The following KIAA1217 variants were observed in gnomAD, a reference collection of about 807,000 sequenced individuals.
KIAA1217 encodes the protein KIAA1217, also known as sickle tail protein homolog.
A neutral mutation model predicts 163.9 loss-of-function variants in KIAA1217; 88 were observed. The observed-to-expected ratio is 0.54, with a 90% CI of 0.45 to 0.64. The LOEUF is 0.64. Among genes scored for constraint, KIAA1217 ranks in the 30% least tolerant of loss-of-function variants. The pLI is 0.00. For missense variants in KIAA1217, 2,372 were observed against 2,475.0 expected, an observed-to-expected ratio of 0.96 and a Z score of 0.88; for synonymous variants, 903 against 923.1, an observed-to-expected ratio of 0.98 and a Z score of 0.39.
At position 23,805,830 on chromosome 10, in the gene KIAA1217, A is replaced by G. The variant is rs140700187; in HGVS notation, c.-321+110596A>G. Among the ~76,000 whole-genome samples the G allele has an allele frequency of 1.1e-3, 171 of 152,034 alleles. 12 individuals are homozygous for G. The East Asian group carries it at 0.026, about 24-fold the overall frequency. On this transcript the variant is annotated intron_variant, in intron 1 of 18. Coordinates refer to the KIAA1217 transcript ENST00000376462. ...GGAGTTTGAGATCAGCCTGGCAAAC[A>G]TAGTGAAACCCCATCTCTACTAACA...
chr10:24,174,378 G>A (rs2065771545), intron 2 of KIAA1217, among the ~76,000 whole-genome samples: 1 of 152,174 alleles, frequency 6.6e-6, no homozygotes, highest in South Asian at 2.1e-4. Flanking sequence ...TAGGGGAGAG[G>A]AGAGTATTTT....
chr10:23,774,660 G>A (rs145536431), intron 1 of KIAA1217, among the ~76,000 whole-genome samples: 768 of 152,208 alleles, frequency 5.0e-3, no homozygotes, highest in Non-Finnish European at 8.5e-3. Context: ...ACATCAGCCA[G>A]GGGTGTCCCC....
chr10:24,100,997 C>A (rs2062391577), intron 2 of KIAA1217, among the ~76,000 whole-genome samples: 1 of 152,172 alleles, frequency 6.6e-6, no homozygotes, highest in South Asian at 2.1e-4. Context: ...CACTTTGTGG[C>A]CCTGCTAACA....
At chr10:23,900,218 C>G (rs1010834572) in intron 1 of KIAA1217, among the ~76,000 whole-genome samples, 1 of 151,990 alleles carries the variant, frequency 6.6e-6, no homozygotes, top group Non-Finnish European at 1.5e-5. Context: ...GTTGGCCAGG[C>G]TGGTCTTGAC....
chr10:24,509,180 A>C (rs2068761299), intron 9 of KIAA1217, among the ~76,000 whole-genome samples: 1 of 152,216 alleles, frequency 6.6e-6, no homozygotes, highest in African/African-American at 2.4e-5. Flanking sequence ...GATCCACATC[A>C]TATCTTTAGC....
At position 24,433,253 on chromosome 10, in the gene KIAA1217, T is replaced by A. The variant is rs181094123; in HGVS notation, c.752+60T>A. On this transcript the variant is annotated intron_variant, in intron 4 of 20. Coordinates refer to ENST00000376454, the MANE Select transcript of KIAA1217 (RefSeq NM_019590.5). ...GCCTTAGAGTTTTTTTTGTTTTTTG[T>A]TTTTTTGTTTTTGAGGGGTTTTTTT... is the stretch of plus-strand genomic sequence containing the variant. The A allele has an allele frequency of 4.6e-5, 64 of 1,378,748 alleles. No individual in the cohort carries two copies. In the African/African-American group the frequency reaches 8.2e-4, roughly 18 times the overall value. 85.4% of individuals were successfully genotyped at this position (1,378,748 alleles called of 1,614,324 possible).
chr10:23,992,611 T>C (rs1036594141), intron 1 of KIAA1217, among the ~76,000 whole-genome samples: 8 of 150,190 alleles, frequency 5.3e-5, no homozygotes, highest in East Asian at 2.1e-4. Context: ...TCATTTCTTT[T>C]TTTTTTTTTT....
At chr10:23,818,334 A>T (rs567728478) in intron 1 of KIAA1217, among the ~76,000 whole-genome samples, 93 of 114,916 alleles carry the variant, frequency 8.1e-4, no homozygotes, top group Admixed American at 1.8e-3. Flanking sequence ...TATATATTTT[A>T]TATATATATA....
intron 1 of KIAA1217, among the ~76,000 whole-genome samples, chr10:23,797,347 A>G (rs1038071294): frequency 6.6e-6 from 1 of 152,132 alleles, no homozygotes; most frequent in Non-Finnish European, 1.5e-5. Context: ...TTTAATCTCT[A>G]TTTCAGAAAG....
chr10:24,231,127 G>C (rs1279058052), intron 2 of KIAA1217, among the ~76,000 whole-genome samples: 1 of 152,144 alleles, frequency 6.6e-6, no homozygotes, highest in Non-Finnish European at 1.5e-5. Flanking sequence ...GGTTGGATTT[G>C]CCTTTAATAA....
At chr10:23,830,204 C>A (rs566755090) in intron 1 of KIAA1217, among the ~76,000 whole-genome samples, 86 of 152,210 alleles carry the variant, frequency 5.7e-4, no homozygotes, top group African/African-American at 2.0e-3. Flanking sequence ...AAAAGCAGTT[C>A]TTTTTGCTCC....
intron 1 of KIAA1217, among the ~76,000 whole-genome samples, chr10:23,798,054 T>G (rs1402349590): frequency 2.0e-5 from 3 of 152,182 alleles, no homozygotes; most frequent in South Asian, 4.1e-4. Flanking sequence ...AAGAAATTAT[T>G]CCTTGTTTTG....
At chr10:24,360,825 A>T (rs1372238346) in intron 2 of KIAA1217, among the ~76,000 whole-genome samples, 1 of 152,194 alleles carries the variant, frequency 6.6e-6, no homozygotes, top group African/African-American at 2.4e-5. Flanking sequence ...CCCATTTTTA[A>T]AACTCTCAAA....
Position 24,211,475 on chromosome 10 carries a change from A to G in KIAA1217, c.70+2212A>G, listed in dbSNP as rs1176200910. On this transcript the variant is annotated intron_variant, in intron 1 of 20. Transcript: ENST00000376454. ...AGCCTTGAACTCTTGGGCTCAAGCA[A>G]TCCTCTGGCCTTAGCTTCCAAATAG... Among the ~76,000 whole-genome samples, 3 of 150,066 alleles carry G rather than the reference A, an allele frequency of 2.0e-5. No individual in the cohort carries two copies. In the East Asian group the frequency reaches 5.8e-4, roughly 29 times the overall value.
chr10:24,310,967 C>T (rs1368938817), intron 2 of KIAA1217, among the ~76,000 whole-genome samples: 2 of 152,150 alleles, frequency 1.3e-5, no homozygotes, highest in African/African-American at 4.8e-5. Context: ...CACTGCACTC[C>T]AACCTGGGCA....
chr10:23,804,532 T>C (rs149361337), intron 1 of KIAA1217, among the ~76,000 whole-genome samples: 123 of 152,328 alleles, frequency 8.1e-4, no homozygotes, highest in African/African-American at 2.8e-3. Context: ...AACTCTTTCA[T>C]TTTTTAAGAC....
At chr10:24,022,187 T>C (rs964102046) in intron 2 of KIAA1217, among the ~76,000 whole-genome samples, 1 of 151,536 alleles carries the variant, frequency 6.6e-6, no homozygotes, top group African/African-American at 2.4e-5. Context: ...AAGAAATATT[T>C]GCAAAACACA....
intron 1 of KIAA1217, among the ~76,000 whole-genome samples, chr10:23,734,829 C>T (rs1258620363): frequency 7.0e-6 from 1 of 143,336 alleles, no homozygotes; most frequent in Non-Finnish European, 1.5e-5. Context: ...ATTTTAAGTT[C>T]AGGGGCATAT....
At chr10:24,321,136 A>G (rs1424260441) in intron 2 of KIAA1217, among the ~76,000 whole-genome samples, 1 of 152,162 alleles carries the variant, frequency 6.6e-6, no homozygotes, top group Non-Finnish European at 1.5e-5. Flanking sequence ...TAAAAATAGA[A>G]TTATCATATA....
Sources: gnomAD v4.1 joint callset for allele counts (sites outside exome capture counted in the v4.1 genomes callset) on GRCh38, gnomAD v4.1.1 for gene constraint, MANE v1.5 for transcripts, NCBI Gene and HGNC (gene_info 2026-07-23, HGNC 2026-07-21) for gene names.